Variants in DPYSL2 observed in about 807,000 individuals in gnomAD.
DPYSL2 encodes dihydropyrimidinase like 2.
Under a neutral mutation model 69.9 loss-of-function variants are expected in DPYSL2, and 13 were observed. The observed-to-expected ratio is 0.19, with a 90% CI of 0.12 to 0.30. The LOEUF (loss-of-function observed/expected upper bound fraction) is 0.30, where lower values mean the gene tolerates loss of function less well. Ranked by LOEUF, DPYSL2 falls within the 10% of genes least tolerant of loss-of-function variation. The probability of loss-of-function intolerance (pLI) is 1.00; values close to 1 mark genes in which losing one functional copy is unlikely to be tolerated. For missense variants in DPYSL2, 587 were observed against 918.9 expected (o/e 0.64, Z 4.67); for synonymous variants, 326 against 359.1 (o/e 0.91, Z 1.04).
Position 26,627,934 on chromosome 8 carries a change from T to C in DPYSL2, c.999T>C (p.Pro333=). 6.2e-7 allele frequency: 1 copy of C among 1,613,680 alleles called. No individual in the cohort carries two copies. The highest frequency in any genetic ancestry group is 1.1e-5 in the South Asian group (1 of 90,944). The stretch of plus-strand genomic sequence containing the variant: ...CCGAGGGACATGTGCTGAGCCGACC[T>C]GAGGAGGTGAATGTTCACCAAGCGG... ...TGPEGHVLSR[P]EEVEAEAVNR... Residue 333 remains proline (P), a synonymous_variant, in exon 7 of 14, where the codon CCT becomes CCC. Coordinates refer to ENST00000521913, the MANE Select transcript of DPYSL2 (RefSeq NM_001197293.3). This position sits in a 1 kb window ranked among gnomAD's most constrained non-coding sequence, Gnocchi z 6.9.
At chr8:26,590,619 G>A (rs142289737) in intron 3 of DPYSL2, among the ~76,000 whole-genome samples, 36 of 122,198 alleles carry the variant, frequency 2.9e-4, no homozygotes, top group Non-Finnish European at 5.3e-4. Context: ...GGCCTTGAAC[G>A]GCTGGACTGG....
At chr8:26,577,281 C>T (rs1185968044) in intron 1 of DPYSL2, 4 of 306,160 alleles carry the variant, frequency 1.3e-5, no homozygotes, top group Non-Finnish European at 2.5e-5. Flanking sequence ...CAGCCGCCCT[C>T]TCCGGGGCCG....
rs1408723924 is a variant in DPYSL2 at position 26,621,737 on chromosome 8, CT to C, written c.629-2404del. Among the ~76,000 whole-genome samples the C allele has an allele frequency of 6.6e-6, 1 of 152,050 alleles. No individual in the cohort carries two copies. Among genetic ancestry groups the C allele is most frequent in the Non-Finnish European group, 1.5e-5 (1 of 68,014 alleles). On this transcript the variant is annotated intron_variant, in intron 3 of 13. Coordinates refer to ENST00000521913, the MANE Select transcript of DPYSL2 (RefSeq NM_001197293.3). The surrounding 1 kb of genome is among the most constrained non-coding windows in gnomAD (Gnocchi z 4.9). Reference sequence around the variant, plus strand: ...AGAGAGAGGGCTGCTTGTGCACAGGCTTGGAGTTGCCCAGGGGTTGGGCAGG... The same window carrying C: ...AGAGAGAGGGCTGCTTGTGCACAGGCTGGAGTTGCCCAGGGGTTGGGCAGG...
At chr8:26,634,370 T>A (rs1228105411) in intron 7 of DPYSL2, among the ~76,000 whole-genome samples, 2 of 150,968 alleles carry the variant, frequency 1.3e-5, no homozygotes, top group Non-Finnish European at 3.0e-5. Context: ...GTTCAAGTGA[T>A]TCTCCTGCCT....
intron 7 of DPYSL2, among the ~76,000 whole-genome samples, chr8:26,632,315 A>G (rs1735681172): frequency 6.6e-6 from 1 of 152,224 alleles, no homozygotes; most frequent in Non-Finnish European, 1.5e-5. Context: ...GGGACTGTGG[A>G]CAAGGCGAGG....
At position 26,564,561 on chromosome 8, in the gene DPYSL2, T is replaced by C. The variant is rs1341600406; in HGVS notation, c.355-17408T>C. Among the ~76,000 whole-genome samples, 3 of 152,126 alleles carry C rather than the reference T, an allele frequency of 2.0e-5. No individual in the cohort carries two copies. Among genetic ancestry groups the C allele is most frequent in the Non-Finnish European group, 4.4e-5 (3 of 68,022 alleles). On this transcript the variant is annotated intron_variant, in intron 1 of 13. Transcript: ENST00000521913. This position sits in a 1 kb window ranked among gnomAD's most constrained non-coding sequence, Gnocchi z 4.8. Reference sequence around the variant, plus strand: ...TGTGATGCTCTGCTACAAATCCTTATTCCATTTGTGATTCCTCATTCAGCA... The same window carrying C: ...TGTGATGCTCTGCTACAAATCCTTACTCCATTTGTGATTCCTCATTCAGCA...
chr8:26,605,024 T>C lies in DPYSL2; in HGVS notation c.629-19119T>C, dbSNP rs1437922046. Among the ~76,000 whole-genome samples the C allele has an allele frequency of 6.6e-6, 1 of 152,062 alleles. No homozygotes were observed. The highest frequency in any genetic ancestry group is 6.6e-5 in the Admixed American group (1 of 15,262). On this transcript the variant is annotated intron_variant, in intron 3 of 13. Coordinates refer to ENST00000521913, the MANE Select transcript of DPYSL2 (RefSeq NM_001197293.3). This position sits in a 1 kb window ranked among gnomAD's most constrained non-coding sequence, Gnocchi z 4.1. ...TCATTTGGTCTGCTTTAGTAGAGAG[T>C]ATCTTTTATGTTTCTCAAAGGCGTT...
Position 26,627,077 on chromosome 8 carries a change from C to T in DPYSL2, c.856-138C>T. 1.3e-6 allele frequency: 1 copy of T among 742,832 alleles called. No individual in the cohort carries two copies. The highest frequency in any genetic ancestry group is 2.3e-6 in the Non-Finnish European group (1 of 439,620). The allele number at this position is 742,832 out of a possible 1,614,324, so 46.0% of individuals were successfully genotyped here. A position where few individuals can be genotyped will look rare whatever the true frequency, so the allele number is the denominator to read the frequency against. The stretch of plus-strand genomic sequence containing the variant: ...GCCAGTAACATTGCCCTCATCATAT[C>T]AAAAAAAGTCAGGCTAATAGAATCG... On this transcript the variant is annotated intron_variant, in intron 5 of 13. Coordinates refer to ENST00000521913, the MANE Select transcript of DPYSL2 (RefSeq NM_001197293.3). This position sits in a 1 kb window ranked among gnomAD's most constrained non-coding sequence, Gnocchi z 6.9.
rs915396764 is a variant in DPYSL2, at chr8:26,586,380, A to G, written c.628+2397A>G. Among the ~76,000 whole-genome samples, 1 of 152,198 alleles carries G rather than the reference A, an allele frequency of 6.6e-6. No homozygotes were observed. Among genetic ancestry groups the G allele is most frequent in the African/African-American group, 2.4e-5 (1 of 41,456 alleles). On this transcript the variant is annotated intron_variant, in intron 3 of 13. Transcript: ENST00000521913. This position sits in a 1 kb window ranked among gnomAD's most constrained non-coding sequence, Gnocchi z 4.7. ...GAAACTCAGAGAGATTTTGCCTCTCATCAAGTACATGTTGCTCAGCAGATA... is the reference window on the plus strand; with the variant it reads ...GAAACTCAGAGAGATTTTGCCTCTCGTCAAGTACATGTTGCTCAGCAGATA...
At chr8:26,552,458 T>C (rs948419374) in intron 1 of DPYSL2, among the ~76,000 whole-genome samples, 1 of 152,224 alleles carries the variant, frequency 6.6e-6, no homozygotes, top group African/African-American at 2.4e-5. Flanking sequence ...GCTGATTCTT[T>C]GAAAAGATCA....
rs1213473909 is a variant in DPYSL2, at chr8:26,560,496, C to G, written c.355-21473C>G. On this transcript the variant is annotated intron_variant, in intron 1 of 13. Transcript: ENST00000521913. The surrounding 1 kb of genome is among the most constrained non-coding windows in gnomAD (Gnocchi z 4.4). ...TGAAGGCAGACATAAATGAGTTTGT[C>G]CACAGCTCACAGCTCACAGCTCACA... Among the ~76,000 whole-genome samples, 1 of 152,094 alleles carries G rather than the reference C, an allele frequency of 6.6e-6. No individual in the cohort carries two copies. The highest frequency in any genetic ancestry group is 2.1e-4 in the South Asian group (1 of 4,824).
intron 3 of DPYSL2, among the ~76,000 whole-genome samples, chr8:26,622,175 T>TTCTG (rs1435472083): frequency 8.7e-5 from 10 of 115,580 alleles, no homozygotes; most frequent in Non-Finnish European, 1.7e-4. Context: ...CTCTCTTTCT[T>TTCTG]TCTTTCTTTC....
At chr8:26,550,653 G>C (rs1800859752) in intron 1 of DPYSL2, among the ~76,000 whole-genome samples, 1 of 152,190 alleles carries the variant, frequency 6.6e-6, no homozygotes, top group Non-Finnish European at 1.5e-5. Flanking sequence ...GAGATAGATA[G>C]ACTGATAGAT....
chr8:26,618,511 G>A lies in DPYSL2; in HGVS notation c.629-5632G>A, dbSNP rs543770739. ...TTTTTTTTTTTTTTGTAGAGTTGGG[G>A]TCTCACTATGTTACCCAGGCTGGTC... On this transcript the variant is annotated intron_variant, in intron 3 of 13. Transcript: ENST00000521913. 1.4e-3 allele frequency among the ~76,000 whole-genome samples: 191 copies of A among 140,012 alleles called. 1 individual carries two copies. The highest frequency in any genetic ancestry group is 4.9e-3 in the African/African-American group (184 of 37,376). The allele number at this position is 140,012 out of a possible 152,430, so 91.9% of individuals were successfully genotyped here. A position where few individuals can be genotyped will look rare whatever the true frequency, so the allele number is the denominator to read the frequency against.
chr8:26,623,989 CT>C, intron 3 of DPYSL2, 153 bp from the exon 4 acceptor site: 2 of 753,138 alleles, frequency 2.7e-6, no homozygotes, highest in East Asian at 5.4e-5. Flanking sequence ...GGATAATCAG[CT>C]GGGTTACATG....
chr8:26,567,211 C>T (rs1801165826), intron 1 of DPYSL2, among the ~76,000 whole-genome samples: 1 of 150,696 alleles, frequency 6.6e-6, no homozygotes, highest in African/African-American at 2.4e-5. Flanking sequence ...ATCTGTCTGT[C>T]CATCTACCCA....
rs141645996 is a variant in DPYSL2, at chr8:26,540,374, A to G, written c.354+25695A>G. The stretch of plus-strand genomic sequence containing the variant: ...AAGACTACAGGATTTATAGGACACC[A>G]TTAAGTGAACCAATGCACATATTAT... On this transcript the variant is annotated intron_variant, in intron 1 of 13. Transcript: ENST00000521913. Among the ~76,000 whole-genome samples, 480 of 152,316 alleles carry G rather than the reference A, an allele frequency of 3.2e-3. 1 individual carries two copies. The highest frequency in any genetic ancestry group is 0.01 in the African/African-American group (430 of 41,574).
chr8:26,538,341 A>C (rs929070462), intron 1 of DPYSL2, among the ~76,000 whole-genome samples: 5 of 152,178 alleles, frequency 3.3e-5, no homozygotes, highest in African/African-American at 1.2e-4. Flanking sequence ...AACTATAGTA[A>C]CCCAGTGGAG....
Position 26,586,842 on chromosome 8 carries a change from G to A in DPYSL2, c.628+2859G>A, listed in dbSNP as rs1450687124. On this transcript the variant is annotated intron_variant, in intron 3 of 13. Coordinates refer to ENST00000521913, the MANE Select transcript of DPYSL2 (RefSeq NM_001197293.3). This position sits in a 1 kb window ranked among gnomAD's most constrained non-coding sequence, Gnocchi z 4.7. ...GGCATTTGCACGGAGGCTGTGTGAT[G>A]CGATCTGGCTATAGAGTGGGGCATC... Among the ~76,000 whole-genome samples the A allele has an allele frequency of 6.6e-6, 1 of 152,230 alleles. No homozygotes were observed. Among genetic ancestry groups the A allele is most frequent in the Non-Finnish European group, 1.5e-5 (1 of 68,048 alleles).
Sources: allele counts gnomAD v4.1 joint callset (sites outside exome capture counted in the v4.1 genomes callset), GRCh38; gene constraint gnomAD v4.1.1; non-coding constraint Gnocchi (gnomAD v3.1); transcripts MANE v1.5; gene names NCBI Gene and HGNC (gene_info 2026-07-23, HGNC 2026-07-21).